Variants in MALRD1 observed in about 807,000 individuals in gnomAD.
The protein encoded by MALRD1 is MAM and LDL receptor class A domain containing 1, also known as MAM and LDL-receptor class A domain-containing protein 1.
Under a neutral mutation model 242.1 loss-of-function variants are expected in MALRD1, and 247 were observed. That is an observed-to-expected ratio of 1.02 (90% CI 0.92 to 1.13). The LOEUF (loss-of-function observed/expected upper bound fraction) is 1.13. MALRD1 is among the 50% of genes most tolerant of loss of function. The pLI is 0.00. For synonymous variants in MALRD1, 995 were observed against 866.6 expected (o/e 1.15, Z -2.60); for missense variants, 2,989 against 2,533.1 (o/e 1.18, Z -3.86).
Position 19,257,771 on chromosome 10 carries a change from G to A in MALRD1, c.3079G>A (p.Gly1027Ser), listed in dbSNP as rs951215089. Reference protein sequence around the residue: ...LSFMDCTLYPGNLPADLPTPP... With the variant: ...LSFMDCTLYPSNLPADLPTPP... ...ATTTATGGACTGCACCCTCTACCCT[G>A]GTAAGAGAGAACATTTCAATTTGGG... The change falls in exon 19 of 40, where the codon GGT becomes AGT. Residue 1027 changes from glycine (G) to serine (S), a missense_variant and splice_region_variant. Coordinates refer to ENST00000454679, the MANE Select transcript of MALRD1 (RefSeq NM_001142308.3). The A allele has an allele frequency of 3.1e-5, 47 of 1,505,962 alleles. No homozygotes were observed. The highest frequency in any genetic ancestry group is 4.2e-5 in the Non-Finnish European group (47 of 1,122,216). The allele number at this position is 1,505,962 out of a possible 1,614,324, so 93.3% of individuals were successfully genotyped here. A position where few individuals can be genotyped will look rare whatever the true frequency, so the allele number is the denominator to read the frequency against.
At position 19,715,527 on chromosome 10, in the gene MALRD1, T is replaced by G. The variant is rs76997875; in HGVS notation, c.6315-15179T>G. 2.4e-3 allele frequency among the ~76,000 whole-genome samples: 368 copies of G among 152,076 alleles called. 10 individuals are homozygous for G. The East Asian group carries it at 0.052, about 22-fold the overall frequency. On this transcript the variant is annotated intron_variant, in intron 38 of 39. Coordinates refer to ENST00000454679, the MANE Select transcript of MALRD1 (RefSeq NM_001142308.3). ...TCCAGAATAGGTGACTAGCAAAAAT[T>G]TATTGGAGAAAAGTATATGTTAGCC...
chr10:19,285,635 G>A (rs9418056), intron 21 of MALRD1, among the ~76,000 whole-genome samples: 33,352 of 131,632 alleles, frequency 0.25, 4,548 homozygotes, highest in South Asian at 0.32. Flanking sequence ...TACCAGTACC[G>A]TGCTGTTTTG....
intron 13 of MALRD1, among the ~76,000 whole-genome samples, chr10:19,174,661 T>C (rs1835148664): frequency 6.6e-6 from 1 of 152,034 alleles, no homozygotes; most frequent in Non-Finnish European, 1.5e-5. Context: ...TAAAATTAAA[T>C]AGATGTCTCT....
intron 32 of MALRD1, among the ~76,000 whole-genome samples, chr10:19,557,076 C>T (rs1471522366): frequency 6.6e-6 from 1 of 152,038 alleles, no homozygotes; most frequent in Non-Finnish European, 1.5e-5. Flanking sequence ...TGCCATTAGC[C>T]ATTTGAATAG....
At chr10:19,126,018 G>A (rs748387483) in intron 7 of MALRD1, among the ~76,000 whole-genome samples, 45 of 151,750 alleles carry the variant, frequency 3.0e-4, no homozygotes, top group South Asian at 6.2e-4. Flanking sequence ...TTCTCACTTC[G>A]AAATAATAAT....
intron 5 of MALRD1, among the ~76,000 whole-genome samples, chr10:19,119,825 T>G (rs1836999044): frequency 6.6e-6 from 1 of 152,196 alleles, no homozygotes; most frequent in South Asian, 2.1e-4. Flanking sequence ...AACTATAAAC[T>G]AAGTTCCTCC....
At chr10:19,539,916 A>G (rs79466977) in intron 32 of MALRD1, among the ~76,000 whole-genome samples, 6,490 of 46,680 alleles carry the variant, frequency 0.14, 459 homozygotes, top group East Asian at 0.37. Context: ...GCGTGCGCGC[A>G]CACACGCGCA....
At chr10:19,677,227 C>T (rs935591964) in intron 36 of MALRD1, among the ~76,000 whole-genome samples, 11 of 152,094 alleles carry the variant, frequency 7.2e-5, no homozygotes, top group East Asian at 5.8e-4. Context: ...TCTAGGTCTT[C>T]GAGGAATCAT....
At chr10:19,430,021 G>A (rs559568323) in intron 28 of MALRD1, among the ~76,000 whole-genome samples, 8 of 150,986 alleles carry the variant, frequency 5.3e-5, no homozygotes, top group Non-Finnish European at 1.0e-4. Context: ...CAGACTATTC[G>A]AGATTCCCAT....
chr10:19,704,949 C>A (rs2131855393), intron 38 of MALRD1, among the ~76,000 whole-genome samples: 1 of 152,178 alleles, frequency 6.6e-6, no homozygotes, highest in East Asian at 1.9e-4. Flanking sequence ...GAGTTCAAGA[C>A]TAGCTACAGC....
chr10:19,559,811 C>T (rs1156426501), intron 32 of MALRD1, among the ~76,000 whole-genome samples: 1 of 152,072 alleles, frequency 6.6e-6, no homozygotes, highest in Non-Finnish European at 1.5e-5. Context: ...GAAACAACCC[C>T]ATCGAACCAT....
intron 28 of MALRD1, among the ~76,000 whole-genome samples, chr10:19,390,166 A>G (rs1846277922): frequency 6.6e-6 from 1 of 152,214 alleles, no homozygotes. Flanking sequence ...TTAATCTAGG[A>G]CACATACATT....
intron 14 of MALRD1, among the ~76,000 whole-genome samples, chr10:19,191,071 T>C (rs774553554): frequency 1.3e-5 from 2 of 152,194 alleles, no homozygotes; most frequent in African/African-American, 2.4e-5. Context: ...AAGGGATTGA[T>C]ATCCACAATA....
intron 14 of MALRD1, among the ~76,000 whole-genome samples, chr10:19,177,199 G>A (rs1835296997): frequency 6.7e-6 from 1 of 149,790 alleles, no homozygotes; most frequent in Non-Finnish European, 1.5e-5. Flanking sequence ...AGAATGGCGT[G>A]AACCGAAGAG....
intron 5 of MALRD1, among the ~76,000 whole-genome samples, chr10:19,110,963 A>G (rs1836657720): frequency 6.6e-6 from 1 of 152,182 alleles, no homozygotes; most frequent in Non-Finnish European, 1.5e-5. Context: ...TTGAAACTGT[A>G]TTTGCATTAC....
intron 35 of MALRD1, among the ~76,000 whole-genome samples, chr10:19,611,625 C>G (rs890687341): frequency 6.6e-6 from 1 of 151,962 alleles, no homozygotes; most frequent in African/African-American, 2.4e-5. Flanking sequence ...CATAGATTCC[C>G]AGTTCCCATA....
chr10:19,515,515 T>G (rs1833584052), intron 31 of MALRD1, among the ~76,000 whole-genome samples: 1 of 152,076 alleles, frequency 6.6e-6, no homozygotes, highest in South Asian at 2.1e-4. Flanking sequence ...ACTTGTTGTT[T>G]GTACAGATTT....
At chr10:19,257,654 T>G (rs1459565945) in intron 18 of MALRD1, 30 bp from the exon 19 acceptor site, 3 of 1,439,506 alleles carry the variant, frequency 2.1e-6, no homozygotes, top group Non-Finnish European at 2.8e-6. Flanking sequence ...AACACATTTC[T>G]TATTTTTATT....
chr10:19,277,405 C>A (rs968441607), intron 19 of MALRD1, among the ~76,000 whole-genome samples: 1 of 152,134 alleles, frequency 6.6e-6, no homozygotes, highest in Non-Finnish European at 1.5e-5. Context: ...TACCTGGTAG[C>A]CTAATATTCC....
Sources: gnomAD v4.1 joint callset for allele counts (sites outside exome capture counted in the v4.1 genomes callset) on GRCh38, gnomAD v4.1.1 for gene constraint, MANE v1.5 for transcripts, NCBI Gene and HGNC (gene_info 2026-07-23, HGNC 2026-07-21) for gene names.